Variants in ITGB3BP observed in about 807,000 individuals in gnomAD.
ITGB3BP encodes centromere protein R.
In ITGB3BP, 27 loss-of-function variants were observed where a neutral mutation model predicts 29.1. That is an observed-to-expected ratio of 0.93 (90% CI 0.68 to 1.28). The LOEUF (loss-of-function observed/expected upper bound fraction) is 1.28. Among genes scored for constraint, ITGB3BP ranks in the 50% most tolerant of loss-of-function variants. The probability of loss-of-function intolerance (pLI) is 0.00; values close to 1 mark genes in which losing one functional copy is unlikely to be tolerated. For synonymous variants in ITGB3BP, 61 were observed against 61.4 expected (o/e 0.99, Z 0.03); for missense variants, 192 against 200.2 (o/e 0.96, Z 0.25).
chr1:63,490,377 A>C (rs934247617), intron 2 of ITGB3BP, among the ~76,000 whole-genome samples, 159 bp from the exon 3 acceptor site: 1 of 152,160 alleles, frequency 6.6e-6, no homozygotes, highest in African/African-American at 2.4e-5. Context: ...AGTAAACACT[A>C]TTCTTTCAAG....
intron 1 of ITGB3BP, among the ~76,000 whole-genome samples, chr1:63,521,807 T>A (rs148779463): frequency 6.6e-6 from 1 of 152,284 alleles, no homozygotes; most frequent in Non-Finnish European, 1.5e-5. Context: ...AAGTTCCACT[T>A]TTCATAGTTT....
intron 3 of ITGB3BP, among the ~76,000 whole-genome samples, chr1:63,487,606 G>A (rs2100662496): frequency 6.6e-6 from 1 of 152,046 alleles, no homozygotes; most frequent in East Asian, 1.9e-4. Context: ...GCATATTACT[G>A]TACTGAACAC....
At chr1:63,503,156 C>T (rs1256089725) in intron 2 of ITGB3BP, among the ~76,000 whole-genome samples, 1 of 152,100 alleles carries the variant, frequency 6.6e-6, no homozygotes, top group Non-Finnish European at 1.5e-5. Context: ...TCCTATTTCT[C>T]CACATCCTCT....
At chr1:63,497,432 T>C (rs76942848) in intron 2 of ITGB3BP, among the ~76,000 whole-genome samples, 1,892 of 152,302 alleles carry the variant, frequency 0.012, 31 homozygotes, top group African/African-American at 0.043. Context: ...GCAGTAGTGA[T>C]TGTAGAGTCA....
At chr1:63,504,492 A>T (rs1646023107) in intron 2 of ITGB3BP, among the ~76,000 whole-genome samples, 5 of 152,092 alleles carry the variant, frequency 3.3e-5, no homozygotes, top group Admixed American at 3.3e-4. Context: ...TCCTAACTGA[A>T]TACCCTTTAT....
chr1:63,478,786 A>G lies in ITGB3BP; in HGVS notation c.232T>C (p.Ser78Pro), dbSNP rs750620350. Residue 78 changes from serine to proline, a missense_variant, in exon 4 of 9, where the codon TCT becomes CCT. Coordinates refer to ENST00000271002, the MANE Select transcript of ITGB3BP (RefSeq NM_014288.5). ...TACTCATCATTGTCTTTTGTTGTAG[A>G]TTCTTTGCTTTCAGTTAAACTGGGG... ...NHPSLTESKE[S>P]TTKDNDEFMM... is the part of the protein sequence containing the mutation. 1 of 1,465,828 alleles carries G rather than the reference A, an allele frequency of 6.8e-7. No homozygotes were observed. The highest frequency in any genetic ancestry group is 9.2e-7 in the Non-Finnish European group (1 of 1,081,582). The allele number at this position is 1,465,828 out of a possible 1,614,324, so 90.8% of individuals were successfully genotyped here. A position where few individuals can be genotyped will look rare whatever the true frequency, so the allele number is the denominator to read the frequency against.
chr1:63,451,891 T>G (rs1338701837), intron 7 of ITGB3BP: 2 of 152,076 alleles, frequency 1.3e-5, no homozygotes, highest in Non-Finnish European at 2.9e-5. Context: ...TAACACACAG[T>G]AGTATATAAC....
Position 63,478,763 on chromosome 1 carries a change from C to T in ITGB3BP, c.254+1G>A, listed in dbSNP as rs1391078864. On this transcript the variant is annotated splice_donor_variant, in intron 4 of 8. Transcript: ENST00000271002. LOFTEE classifies it high-confidence loss of function. ...TATAATTTCAAAAATAACAAACTTA[C>T]TCATCATTGTCTTTTGTTGTAGATT... 3.6e-6 allele frequency: 5 copies of T among 1,407,568 alleles called. No individual in the cohort carries two copies. The highest frequency in any genetic ancestry group is 2.5e-5 in the East Asian group (1 of 40,222). The allele number at this position is 1,407,568 out of a possible 1,614,324, so 87.2% of individuals were successfully genotyped here.
chr1:63,454,862 CA>C lies in ITGB3BP; in HGVS notation c.333+27del. The C allele has an allele frequency of 9.9e-7, 1 of 1,012,098 alleles. No individual in the cohort carries two copies. The highest frequency in any genetic ancestry group is 1.6e-5 in the African/African-American group (1 of 62,170). The allele number at this position is 1,012,098 out of a possible 1,614,324, so 62.7% of individuals were successfully genotyped here. A position where few individuals can be genotyped will look rare whatever the true frequency, so the allele number is the denominator to read the frequency against. ...CTTCTTTCATTTTATCCTTTTCAAA[CA>C]GGGTAGAAGTATGAAAAAATGCAAA... On this transcript the variant is annotated intron_variant, in intron 5 of 8. Transcript: ENST00000271002. The surrounding 1 kb of genome is among the most constrained non-coding windows in gnomAD (Gnocchi z 4.1).
rs11799999 is a variant in ITGB3BP at position 63,518,884 on chromosome 1, G to C, written c.5+4245C>G. Among the ~76,000 whole-genome samples, 1,007 of 152,100 alleles carry C rather than the reference G, an allele frequency of 6.6e-3. 10 individuals carry two copies. The highest frequency in any genetic ancestry group is 0.023 in the African/African-American group (943 of 41,512). ...TTAGGTATGCCTCTCTGCATTTTCAGAGGTTACTCTGGGGATTACAGTATG... is the reference window on the plus strand; with the variant it reads ...TTAGGTATGCCTCTCTGCATTTTCACAGGTTACTCTGGGGATTACAGTATG... On this transcript the variant is annotated intron_variant, in intron 1 of 8. Coordinates refer to ENST00000271002, the MANE Select transcript of ITGB3BP (RefSeq NM_014288.5).
intron 7 of ITGB3BP, chr1:63,447,537 C>A (rs1201352785): frequency 6.4e-6 from 3 of 470,630 alleles, no homozygotes; most frequent in South Asian, 1.5e-5. Flanking sequence ...GTTGTGGGAG[C>A]CTCAAAGATG....
intron 1 of ITGB3BP, among the ~76,000 whole-genome samples, chr1:63,516,712 G>GA (rs60397963): frequency 0.43 from 50,189 of 115,620 alleles, 10,988 homozygotes; most frequent in Non-Finnish European, 0.53. Context: ...CTTGTTTCAT[G>GA]AAAAAAAAAA....
At chr1:63,444,632 G>GAT (rs1362539231) in intron 8 of ITGB3BP, among the ~76,000 whole-genome samples, 9 of 105,456 alleles carry the variant, frequency 8.5e-5, no homozygotes, top group South Asian at 3.3e-4. Context: ...ACATATAGGA[G>GAT]ATATATATAT....
rs760964581 is a variant in ITGB3BP, at chr1:63,523,147, A to C, written c.-14T>G. The C allele has an allele frequency of 6.2e-7, 1 of 1,614,150 alleles. No individual in the cohort carries two copies. The highest frequency in any genetic ancestry group is 8.5e-7 in the Non-Finnish European group (1 of 1,180,026). ...TACCTACGGCATTCTGAGATTCGGG[A>C]AAGCACCACTGCCGCTGAATAAAAC... On this transcript the variant is annotated 5_prime_UTR_variant, in exon 1 of 9. Transcript: ENST00000271002.
chr1:63,522,748 C>T (rs542497113), intron 1 of ITGB3BP, among the ~76,000 whole-genome samples: 1 of 152,260 alleles, frequency 6.6e-6, no homozygotes, highest in African/African-American at 2.4e-5. Context: ...AGTTCTCCCA[C>T]GGGTTTACAC....
chr1:63,480,602 CTCAT>C (rs1645421337), intron 3 of ITGB3BP, among the ~76,000 whole-genome samples: 4 of 151,896 alleles, frequency 2.6e-5, no homozygotes. Context: ...AATAATTCCT[CTCAT>C]TGTTACTTTG....
Position 63,464,597 on chromosome 1 carries a change from A to G in ITGB3BP, c.255-9629T>C, listed in dbSNP as rs974341608. Among the ~76,000 whole-genome samples the G allele has an allele frequency of 3.3e-5, 5 of 152,328 alleles. No homozygotes were observed. The South Asian group carries it at 6.2e-4, about 19-fold the overall frequency. ...ATGGCAATCATTACAGTAATAACTG[A>G]CTCAGGCAAGAATCATCAATGTATG... is the stretch of plus-strand genomic sequence containing the variant. On this transcript the variant is annotated intron_variant, in intron 4 of 8. Transcript: ENST00000271002.
At chr1:63,513,964 T>C (rs1646256067) in intron 1 of ITGB3BP, among the ~76,000 whole-genome samples, 1 of 152,204 alleles carries the variant, frequency 6.6e-6, no homozygotes, top group Admixed American at 6.5e-5. Flanking sequence ...ACATGTACTA[T>C]ATCCCTGAAA....
intron 4 of ITGB3BP, among the ~76,000 whole-genome samples, chr1:63,463,840 G>A (rs1235971765): frequency 2.6e-5 from 4 of 152,030 alleles, no homozygotes; most frequent in Non-Finnish European, 5.9e-5. Context: ...CTGTTGAGAG[G>A]ATTCTTACAT....
Sources: gnomAD v4.1 joint callset for allele counts (sites outside exome capture counted in the v4.1 genomes callset) on GRCh38, gnomAD v4.1.1 for gene constraint, Gnocchi (gnomAD v3.1) non-coding constraint, MANE v1.5 for transcripts, NCBI Gene and HGNC (gene_info 2026-07-23, HGNC 2026-07-21) for gene names.